Variants in TNR observed in about 807,000 individuals in gnomAD.
TNR encodes the protein tenascin R.
A neutral mutation model predicts 150.4 loss-of-function variants in TNR; 45 were observed. That is an observed-to-expected ratio of 0.30 (90% CI 0.24 to 0.38). The LOEUF is 0.38. Ranked by LOEUF, TNR falls within the 10% of genes least tolerant of loss-of-function variation. The probability of loss-of-function intolerance (pLI) is 1.00; values close to 1 mark genes in which losing one functional copy is unlikely to be tolerated. For synonymous variants in TNR, 687 were observed against 678.4 expected (o/e 1.01, Z -0.20); for missense variants, 1,544 against 1,759.1 (o/e 0.88, Z 2.19).
chr1:175,552,863 C>T (rs778983190), intron 1 of TNR, among the ~76,000 whole-genome samples: 3 of 152,150 alleles, frequency 2.0e-5, no homozygotes, highest in Non-Finnish European at 4.4e-5. Context: ...GGAATTGAAA[C>T]ATTTGAACAC....
intron 1 of TNR, among the ~76,000 whole-genome samples, chr1:175,658,232 G>A (rs985943526): frequency 1.6e-4 from 25 of 152,138 alleles, no homozygotes; most frequent in African/African-American, 6.0e-4. Flanking sequence ...CCTTGGGTCA[G>A]GACAAGGACT....
At chr1:175,425,020 C>A (rs1342892425) in intron 2 of TNR, among the ~76,000 whole-genome samples, 1 of 152,078 alleles carries the variant, frequency 6.6e-6, no homozygotes, top group East Asian at 1.9e-4. Flanking sequence ...TAGAGAGATT[C>A]TTGGAGTAAT....
intron 1 of TNR, among the ~76,000 whole-genome samples, chr1:175,609,301 A>G (rs1663519761): frequency 1.3e-5 from 2 of 152,236 alleles, no homozygotes; most frequent in South Asian, 2.1e-4. Context: ...ATGTATACAT[A>G]TATACATCAA....
At chr1:175,355,751 C>G in intron 16 of TNR, 118 bp from the exon 17 acceptor site, 1 of 1,404,516 alleles carries the variant, frequency 7.1e-7, no homozygotes, top group Non-Finnish European at 9.7e-7. Flanking sequence ...CACATGCTGA[C>G]CCCTGCTCTG....
intron 1 of TNR, among the ~76,000 whole-genome samples, chr1:175,531,352 A>G (rs1660059205): frequency 6.6e-6 from 1 of 152,228 alleles, no homozygotes; most frequent in Admixed American, 6.5e-5. Flanking sequence ...TATCACACAA[A>G]GGCCTTATCT....
At chr1:175,343,959 G>A (rs915033824) in intron 18 of TNR, among the ~76,000 whole-genome samples, 2 of 152,028 alleles carry the variant, frequency 1.3e-5, no homozygotes, top group African/African-American at 4.8e-5. Context: ...ACAACGAATT[G>A]GACAAAATGC....
At chr1:175,395,921 A>G (rs1050087473) in intron 5 of TNR, among the ~76,000 whole-genome samples, 2 of 152,184 alleles carry the variant, frequency 1.3e-5, no homozygotes, top group African/African-American at 4.8e-5. Context: ...TATGGAGAGC[A>G]GTTTAGATTG....
intron 9 of TNR, among the ~76,000 whole-genome samples, chr1:175,370,802 A>T (rs1652067837): frequency 6.6e-6 from 1 of 152,192 alleles, no homozygotes; most frequent in Admixed American, 6.5e-5. Context: ...TGCCAAACAG[A>T]TCTAACATGT....
At chr1:175,349,760 C>T (rs1182762475) in intron 18 of TNR, among the ~76,000 whole-genome samples, 1 of 152,114 alleles carries the variant, frequency 6.6e-6, no homozygotes, top group Non-Finnish European at 1.5e-5. Context: ...GACACCTATC[C>T]TTCTATTAAT....
intron 1 of TNR, among the ~76,000 whole-genome samples, chr1:175,626,031 A>C (rs1664144751): frequency 6.6e-6 from 1 of 152,142 alleles, no homozygotes; most frequent in African/African-American, 2.4e-5. Context: ...ATAGTGAATA[A>C]GTTTCACGAG....
intron 1 of TNR, among the ~76,000 whole-genome samples, chr1:175,563,425 G>A (rs1291261466): frequency 1.3e-5 from 2 of 152,148 alleles, no homozygotes; most frequent in East Asian, 1.9e-4. Context: ...CTTAGCTAAC[G>A]GTTTGCCTAT....
intron 1 of TNR, among the ~76,000 whole-genome samples, chr1:175,667,614 C>T (rs1665569624): frequency 6.6e-6 from 1 of 152,102 alleles, no homozygotes. Context: ...GAAGGCACAC[C>T]TAACACAAAC....
chr1:175,603,298 C>T (rs576040839), intron 1 of TNR, among the ~76,000 whole-genome samples: 2 of 152,318 alleles, frequency 1.3e-5, no homozygotes, highest in Admixed American at 1.3e-4. Flanking sequence ...GTCAAGTTAT[C>T]CAACCTGAGA....
chr1:175,734,239 C>G (rs1280313815), intron 1 of TNR, among the ~76,000 whole-genome samples: 1 of 152,170 alleles, frequency 6.6e-6, no homozygotes, highest in Non-Finnish European at 1.5e-5. Flanking sequence ...GCCTGAAATT[C>G]CCAAAAAATG....
intron 20 of TNR, among the ~76,000 whole-genome samples, chr1:175,331,192 T>TC: frequency 7.5e-6 from 1 of 133,204 alleles, no homozygotes; most frequent in Non-Finnish European, 1.6e-5. Flanking sequence ...CTTCCTTCCT[T>TC]CCTTCCTTCC....
intron 1 of TNR, among the ~76,000 whole-genome samples, chr1:175,613,232 G>A (rs1181281530): frequency 6.6e-6 from 1 of 152,130 alleles, no homozygotes; most frequent in African/African-American, 2.4e-5. Context: ...TTCTCTCTAG[G>A]CTTCTGAGTC....
At chr1:175,667,517 G>A (rs986659369) in intron 1 of TNR, among the ~76,000 whole-genome samples, 1 of 152,218 alleles carries the variant, frequency 6.6e-6, no homozygotes, top group East Asian at 1.9e-4. Context: ...GGGGACACAA[G>A]GGTGAATAAG....
intron 2 of TNR, among the ~76,000 whole-genome samples, chr1:175,458,947 A>G (rs1001167599): frequency 1.5e-5 from 2 of 133,296 alleles, no homozygotes; most frequent in Non-Finnish European, 3.0e-5. Flanking sequence ...CACCATTAGC[A>G]CCTCCACCAA....
chr1:175,464,705 C>T (rs1034258386), intron 2 of TNR, among the ~76,000 whole-genome samples: 10 of 152,200 alleles, frequency 6.6e-5, no homozygotes, highest in African/African-American at 2.4e-4. Flanking sequence ...TCTTTAGAGA[C>T]CTTCCACTGT....
Sources: gnomAD v4.1 joint callset for allele counts (sites outside exome capture counted in the v4.1 genomes callset) on GRCh38, gnomAD v4.1.1 for gene constraint, MANE v1.5 for transcripts, NCBI Gene and HGNC (gene_info 2026-07-23, HGNC 2026-07-21) for gene names.